Variants in ZNF627 observed in about 807,000 individuals in gnomAD.
The protein encoded by ZNF627 is zinc finger protein 627.
A neutral mutation model predicts 10.6 loss-of-function variants in ZNF627; 12 were observed. The ratio of observed to expected loss-of-function variants is 1.13; its 90% confidence interval spans 0.73 to 1.84. ZNF627 has a LOEUF of 1.84. Ranked by LOEUF, ZNF627 falls within the 40% of genes most tolerant of loss-of-function variation. ZNF627 has a pLI of 0.00. For missense variants in ZNF627, 504 were observed against 568.4 expected (o/e 0.89, Z 1.15); for synonymous variants, 176 against 187.1 (o/e 0.94, Z 0.48).
chr19:11,617,546 G>T lies in ZNF627; in HGVS notation c.1043G>T (p.Ser348Ile). 1.2e-6 allele frequency: 2 copies of T among 1,613,396 alleles called. No homozygotes were observed. Among genetic ancestry groups the T allele is most frequent in the African/African-American group, 1.3e-5 (1 of 74,796 alleles). Reference sequence around the variant, plus strand: ...TGTGGGAAAGCCTTTGATTTCCCCAGTTCATTTCGAATCCATGAAAGGACC... The same window carrying T: ...TGTGGGAAAGCCTTTGATTTCCCCATTTCATTTCGAATCCATGAAAGGACC... The part of the protein sequence containing the change: ...KVCGKAFDFP[S>I]SFRIHERTHT... The change falls in exon 4 of 4, where the codon AGT (serine) becomes ATT (isoleucine). Residue 348 changes from serine to isoleucine, a missense_variant. By Grantham distance (142) the Ser-to-Ile change is moderately radical. Transcript: ENST00000361113.
At chr19:11,607,728 G>T (rs1304737198) in intron 1 of ZNF627, among the ~76,000 whole-genome samples, 1 of 152,158 alleles carries the variant, frequency 6.6e-6, no homozygotes, top group Non-Finnish European at 1.5e-5. Context: ...TTTGGTCAGA[G>T]CTATCCAAGG....
intron 1 of ZNF627, among the ~76,000 whole-genome samples, chr19:11,599,936 C>T (rs1035057423): frequency 2.6e-5 from 4 of 151,990 alleles, no homozygotes; most frequent in Non-Finnish European, 4.4e-5. Flanking sequence ...TTGAGTCAGA[C>T]GTACCTCTGT....
intron 1 of ZNF627, among the ~76,000 whole-genome samples, chr19:11,603,044 T>G (rs945048995): frequency 7.9e-5 from 12 of 152,348 alleles, no homozygotes; most frequent in Admixed American, 7.2e-4. Context: ...TTAGGCTGAA[T>G]TTTGCTTGGC....
chr19:11,601,599 T>A (rs1973586249), intron 1 of ZNF627, among the ~76,000 whole-genome samples: 1 of 152,092 alleles, frequency 6.6e-6, no homozygotes. Context: ...CCTCCCACCG[T>A]AGCCTCCCCA....
At chr19:11,603,708 A>T (rs1973626781) in intron 1 of ZNF627, among the ~76,000 whole-genome samples, 1 of 152,042 alleles carries the variant, frequency 6.6e-6, no homozygotes, top group South Asian at 2.1e-4. Flanking sequence ...ATTTTACTTA[A>T]TAAACTTTAT....
intron 3 of ZNF627, among the ~76,000 whole-genome samples, chr19:11,615,706 A>G (rs938279765): frequency 6.7e-6 from 1 of 148,556 alleles, no homozygotes; most frequent in African/African-American, 2.5e-5. Flanking sequence ...AAGAAACTTC[A>G]TACGAATATC....
chr19:11,609,212 C>A (rs1005642306), intron 1 of ZNF627, among the ~76,000 whole-genome samples: 1 of 151,900 alleles, frequency 6.6e-6, no homozygotes, highest in Non-Finnish European at 1.5e-5. Context: ...AATTAAAAAT[C>A]TACCATCTTA....
chr19:11,613,419 A>G (rs966207200), intron 1 of ZNF627, among the ~76,000 whole-genome samples: 1 of 151,382 alleles, frequency 6.6e-6, no homozygotes, highest in South Asian at 2.1e-4. Context: ...CTTCACTGTG[A>G]GAACTGATGA....
At chr19:11,614,238 C>T (rs1183953482) in intron 1 of ZNF627, among the ~76,000 whole-genome samples, 1 of 152,166 alleles carries the variant, frequency 6.6e-6, no homozygotes. Context: ...TTTGTTACAA[C>T]AGGTGCTACA....
chr19:11,601,791 A>G (rs973538855), intron 1 of ZNF627, among the ~76,000 whole-genome samples: 2 of 151,652 alleles, frequency 1.3e-5, no homozygotes, highest in African/African-American at 4.8e-5. Context: ...GTGGATCACA[A>G]TGTTAGGAGT....
intron 1 of ZNF627, among the ~76,000 whole-genome samples, chr19:11,601,389 GAGTGC>G (rs1414575164): frequency 6.6e-6 from 1 of 151,938 alleles, no homozygotes; most frequent in African/African-American, 2.4e-5. Flanking sequence ...TCCTAGGCTG[GAGTGC>G]AGTGGTGCGA....
At chr19:11,598,695 CA>C (rs531313959) in intron 1 of ZNF627, among the ~76,000 whole-genome samples, 174 of 152,278 alleles carry the variant, frequency 1.1e-3, no homozygotes, top group African/African-American at 3.8e-3. Flanking sequence ...TCCTTTATTG[CA>C]CATTTCAAAC....
chr19:11,617,999 C>G lies in ZNF627; in HGVS notation c.*110C>G. 2.2e-6 allele frequency: 2 copies of G among 922,436 alleles called. No homozygotes were observed. Among genetic ancestry groups the G allele is most frequent in the Non-Finnish European group, 3.1e-6 (2 of 639,264 alleles). 57.1% of individuals were successfully genotyped at this position (922,436 alleles called of 1,614,324 possible). ...TGAAAGGATTCACAGTGGAGAAAGA[C>G]CCTGTAAGATAATTGGCTTTAAATT... On this transcript the variant is annotated 3_prime_UTR_variant, in exon 4 of 4. Transcript: ENST00000361113.
chr19:11,604,835 A>T (rs775346989), intron 1 of ZNF627, among the ~76,000 whole-genome samples: 4 of 152,174 alleles, frequency 2.6e-5, no homozygotes, highest in African/African-American at 4.8e-5. Context: ...TTGGATTTAT[A>T]GCCAATGTAC....
At chr19:11,609,688 T>C (rs1265940774) in intron 1 of ZNF627, among the ~76,000 whole-genome samples, 1 of 151,420 alleles carries the variant, frequency 6.6e-6, no homozygotes. Flanking sequence ...CGGCTAATGT[T>C]TGTGTATTTT....
intron 1 of ZNF627, among the ~76,000 whole-genome samples, chr19:11,609,521 A>ATATG (rs1973735484): frequency 9.7e-6 from 1 of 103,464 alleles, no homozygotes; most frequent in African/African-American, 3.6e-5. Flanking sequence ...ATATATATGT[A>ATATG]TTTTTTCCCC....
intron 2 of ZNF627, 66 bp from the exon 3 acceptor site, chr19:11,614,761 A>G: frequency 6.3e-7 from 1 of 1,593,562 alleles, no homozygotes; most frequent in Non-Finnish European, 8.5e-7. Context: ...TTATGAATAT[A>G]GAATCTAATA....
chr19:11,597,841 C>T (rs533008479), intron 1 of ZNF627, among the ~76,000 whole-genome samples: 1 of 152,324 alleles, frequency 6.6e-6, no homozygotes, highest in African/African-American at 2.4e-5. Context: ...CGCAGCCCCG[C>T]GTCTCCCCAC....
At chr19:11,602,281 C>T (rs1200234076) in intron 1 of ZNF627, among the ~76,000 whole-genome samples, 1 of 152,106 alleles carries the variant, frequency 6.6e-6, no homozygotes, top group Middle Eastern at 3.2e-3. Flanking sequence ...GTACTTTGTT[C>T]TGACTGATCA....
Sources: gnomAD v4.1 joint callset for allele counts (sites outside exome capture counted in the v4.1 genomes callset) on GRCh38, gnomAD v4.1.1 for gene constraint, MANE v1.5 for transcripts, NCBI Gene and HGNC (gene_info 2026-07-23, HGNC 2026-07-21) for gene names.